The following LMBRD1 variants were observed in gnomAD, a reference collection of about 807,000 sequenced individuals.
LMBRD1 encodes the protein lysosomal cobalamin transport escort protein LMBD1.
Under a neutral mutation model 74.8 loss-of-function variants are expected in LMBRD1, and 64 were observed. The ratio of observed to expected loss-of-function variants is 0.86; its 90% CI spans 0.70 to 1.05. LMBRD1 has a LOEUF of 1.05. LMBRD1 is among the 50% of genes least tolerant of loss of function. LMBRD1 has a pLI of 0.00. For missense variants in LMBRD1, 652 were observed against 645.9 expected, an observed-to-expected ratio of 1.01 and a Z score of -0.10; for synonymous variants, 204 against 216.3, an observed-to-expected ratio of 0.94 and a Z score of 0.50.
intron 9 of LMBRD1, chr6:69,706,174 A>C: frequency 2.1e-6 from 1 of 487,152 alleles, no homozygotes; most frequent in Non-Finnish European, 3.8e-6. Context: ...GTGGCAGCAC[A>C]CACTTAGGTG....
intron 12 of LMBRD1, 105 bp from the exon 13 acceptor site, chr6:69,699,297 T>C (rs1562089124): frequency 1.5e-5 from 15 of 1,002,318 alleles, no homozygotes; most frequent in Middle Eastern, 2.7e-4. Context: ...CAATCAACCA[T>C]TATTTTTCTT....
chr6:69,714,149 T>C (rs1342367599), intron 8 of LMBRD1, among the ~76,000 whole-genome samples: 1 of 152,018 alleles, frequency 6.6e-6, no homozygotes, highest in Non-Finnish European at 1.5e-5. Flanking sequence ...CTCTCCAAAC[T>C]CACTGTATCA....
chr6:69,738,552 T>C lies in LMBRD1; in HGVS notation c.563-537A>G, dbSNP rs73745766. Among the ~76,000 whole-genome samples the C allele has an allele frequency of 5.8e-3, 879 of 151,636 alleles. 9 individuals are homozygous for C. The highest frequency in any genetic ancestry group is 0.02 in the African/African-American group (810 of 41,336). On this transcript the variant is annotated intron_variant, in intron 6 of 15. Transcript: ENST00000649934. ...AACTTGAAAGGACAAGCTTGCCTAC[T>C]TGGCAGAAAAATAAAAGCAAACACA...
chr6:69,712,828 T>C (rs1457689092), intron 9 of LMBRD1, among the ~76,000 whole-genome samples: 1 of 152,130 alleles, frequency 6.6e-6, no homozygotes, highest in East Asian at 1.9e-4. Context: ...TAATATGTGG[T>C]ACATATAAAA....
At chr6:69,692,270 T>TGC (rs1765901199) in intron 14 of LMBRD1, among the ~76,000 whole-genome samples, 1 of 51,764 alleles carries the variant, frequency 1.9e-5, no homozygotes. Context: ...TTTTTTAAGG[T>TGC]GCGCTCTCTC....
intron 14 of LMBRD1, among the ~76,000 whole-genome samples, chr6:69,687,247 C>CGAAAGGTGA (rs1765782222): frequency 6.6e-6 from 1 of 152,162 alleles, no homozygotes; most frequent in South Asian, 2.1e-4. Flanking sequence ...AGTCATGTCA[C>CGAAAGGTGA]CTTCCCAGTA....
intron 7 of LMBRD1, among the ~76,000 whole-genome samples, chr6:69,734,848 T>C (rs1335628148): frequency 6.6e-6 from 1 of 152,180 alleles, no homozygotes; most frequent in Non-Finnish European, 1.5e-5. Flanking sequence ...TCTACATACA[T>C]TTAGGAAAGA....
intron 5 of LMBRD1, among the ~76,000 whole-genome samples, chr6:69,747,956 T>C (rs1765028990): frequency 1.3e-5 from 2 of 152,248 alleles, no homozygotes; most frequent in Non-Finnish European, 2.9e-5. Flanking sequence ...CGTATGATAA[T>C]GAGAAGAACA....
In LMBRD1 at chr6:69,780,548, C is replaced by T; in HGVS notation, c.253G>A (p.Ala85Thr). 6.2e-7 allele frequency: 1 copy of T among 1,604,514 alleles called. No individual in the cohort carries two copies. ...KNQNGTFKDWANANVSRQIED... is the reference protein window; with the variant it reads ...KNQNGTFKDWTNANVSRQIED... ...ATCTGTCTGCTGACATTAGCATTAG[C>T]CCAGTCCTAGGATAAAAGGAAACAA... The change falls in exon 3 of 16, where the codon GCT becomes ACT. Residue 85 changes from alanine to threonine, a missense_variant. Coordinates refer to ENST00000649934, the MANE Select transcript of LMBRD1 (RefSeq NM_018368.4).
At chr6:69,762,853 G>T (rs1444669726) in intron 3 of LMBRD1, among the ~76,000 whole-genome samples, 1 of 152,150 alleles carries the variant, frequency 6.6e-6, no homozygotes, top group Non-Finnish European at 1.5e-5. Context: ...CGCCAGGACT[G>T]AAGTTGTTGA....
chr6:69,734,499 G>A (rs149759498), intron 7 of LMBRD1, among the ~76,000 whole-genome samples: 1 of 151,802 alleles, frequency 6.6e-6, no homozygotes, highest in East Asian at 1.9e-4. Context: ...GAATTCAAGC[G>A]ATTCTCCTGC....
intron 14 of LMBRD1, among the ~76,000 whole-genome samples, chr6:69,676,755 T>TAA (rs561163787): frequency 6.6e-6 from 1 of 150,526 alleles, no homozygotes; most frequent in East Asian, 1.9e-4. Flanking sequence ...TATGACATAT[T>TAA]AAAAAAAAAA....
intron 14 of LMBRD1, among the ~76,000 whole-genome samples, chr6:69,689,227 A>G (rs1765829085): frequency 6.6e-6 from 1 of 152,084 alleles, no homozygotes; most frequent in African/African-American, 2.4e-5. Flanking sequence ...ATACAGATAA[A>G]CTAGCAGACA....
At chr6:69,733,574 C>A (rs1766909207) in intron 7 of LMBRD1, among the ~76,000 whole-genome samples, 1 of 152,108 alleles carries the variant, frequency 6.6e-6, no homozygotes, top group South Asian at 2.1e-4. Context: ...CTCAGCTATA[C>A]ACACCATGAT....
Position 69,736,722 on chromosome 6 carries a change from C to T in LMBRD1, c.636+1220G>A, listed in dbSNP as rs186637855. On this transcript the variant is annotated intron_variant, in intron 7 of 15. Coordinates refer to ENST00000649934, the MANE Select transcript of LMBRD1 (RefSeq NM_018368.4). Reference sequence around the variant, plus strand: ...ATCCCTGTGGAACATTTTCTATTTCCATTTAATAGGGAAGACACTGATCCA... The same window carrying T: ...ATCCCTGTGGAACATTTTCTATTTCTATTTAATAGGGAAGACACTGATCCA... 1.4e-3 allele frequency among the ~76,000 whole-genome samples: 209 copies of T among 152,254 alleles called. No homozygotes were observed. The Middle Eastern group carries it at 0.017, about 12-fold the overall frequency.
rs189742992 is a variant in LMBRD1, at chr6:69,777,182, T to C, written c.307+3312A>G. On this transcript the variant is annotated intron_variant, in intron 3 of 15. Transcript: ENST00000649934. ...AAAAAAGGGGTCCGGGCACAATGAG[T>C]GGCTCCCATCTGTAATCCCAGCACT... Among the ~76,000 whole-genome samples, 397 of 151,756 alleles carry C rather than the reference T, an allele frequency of 2.6e-3. 2 individuals carry two copies. Among genetic ancestry groups the C allele is most frequent in the African/African-American group, 9.0e-3 (372 of 41,390 alleles).
At chr6:69,679,775 C>G (rs1249921011) in intron 14 of LMBRD1, among the ~76,000 whole-genome samples, 1 of 151,984 alleles carries the variant, frequency 6.6e-6, no homozygotes, top group East Asian at 1.9e-4. Flanking sequence ...AACTGTGGAG[C>G]CTGTGGACTT....
chr6:69,725,339 TCA>T (rs111747887), intron 7 of LMBRD1, among the ~76,000 whole-genome samples: 9,407 of 148,070 alleles, frequency 0.064, 615 homozygotes, highest in African/African-American at 0.16. Context: ...ATGACAATCT[TCA>T]CACACACACA....
At chr6:69,777,532 C>T (rs1448050227) in intron 3 of LMBRD1, among the ~76,000 whole-genome samples, 1 of 151,872 alleles carries the variant, frequency 6.6e-6, no homozygotes, top group Admixed American at 6.6e-5. Context: ...AGTAACATCC[C>T]CAGTACTATT....
Sources: allele counts gnomAD v4.1 joint callset (sites outside exome capture counted in the v4.1 genomes callset), GRCh38; gene constraint gnomAD v4.1.1; transcripts MANE v1.5; gene names NCBI Gene and HGNC (gene_info 2026-07-23, HGNC 2026-07-21).